NALF1: variants seen among roughly 807,000 people sequenced by gnomAD.
NALF1 encodes the protein NALCN channel auxiliary factor 1, also known as family with sequence similarity 155 member A.
A neutral mutation model predicts 48.4 loss-of-function variants in NALF1; 3 were observed. That is an observed-to-expected ratio of 0.06 (90% confidence interval 0.03 to 0.16). NALF1 has a LOEUF of 0.16. Among genes scored for constraint, NALF1 ranks in the 10% least tolerant of loss-of-function variants. The pLI is 1.00. For missense variants in NALF1, 526 were observed against 571.5 expected (o/e 0.92, Z 0.81); for synonymous variants, 262 against 245.7 (o/e 1.07, Z -0.62).
chr13:107,779,802 C>T (rs1268371837), intron 1 of NALF1, among the ~76,000 whole-genome samples: 1 of 152,134 alleles, frequency 6.6e-6, no homozygotes, highest in Non-Finnish European at 1.5e-5. Flanking sequence ...GTTCTAAAAC[C>T]TCAGGAAACA....
At chr13:107,615,625 A>G (rs535669643) in intron 1 of NALF1, among the ~76,000 whole-genome samples, 122 of 152,328 alleles carry the variant, frequency 8.0e-4, no homozygotes, top group African/African-American at 2.6e-3. Context: ...AACCAGCTTC[A>G]TTAACATTGT....
chr13:107,705,105 T>C (rs939738043), intron 1 of NALF1, among the ~76,000 whole-genome samples: 2 of 152,178 alleles, frequency 1.3e-5, no homozygotes, highest in East Asian at 3.9e-4. Flanking sequence ...CCCTTTGATA[T>C]ACAAGAAAAC....
intron 1 of NALF1, among the ~76,000 whole-genome samples, chr13:107,235,741 T>C (rs1177778344): frequency 6.6e-6 from 1 of 152,242 alleles, no homozygotes; most frequent in South Asian, 2.1e-4. Flanking sequence ...TTTGTTTGCC[T>C]GTGTGATTCA....
intron 2 of NALF1, among the ~76,000 whole-genome samples, chr13:107,208,080 AATT>A (rs1324669008): frequency 6.6e-6 from 1 of 152,202 alleles, no homozygotes; most frequent in African/African-American, 2.4e-5. Flanking sequence ...TCAATATGAA[AATT>A]ATTATCTTTT....
At chr13:107,595,457 G>C (rs1259230566) in intron 1 of NALF1, among the ~76,000 whole-genome samples, 1 of 152,018 alleles carries the variant, frequency 6.6e-6, no homozygotes, top group Middle Eastern at 3.2e-3. Context: ...AGAATGCTGA[G>C]GAACATTTTT....
intron 1 of NALF1, among the ~76,000 whole-genome samples, chr13:107,687,309 A>C (rs1237383875): frequency 6.6e-6 from 1 of 151,606 alleles, no homozygotes; most frequent in Non-Finnish European, 1.5e-5. Context: ...GTCTGGATGG[A>C]GGGAGGGAAG....
At chr13:107,270,192 T>G (rs530170556) in intron 1 of NALF1, among the ~76,000 whole-genome samples, 120 of 152,252 alleles carry the variant, frequency 7.9e-4, no homozygotes, top group Non-Finnish European at 1.4e-3. Flanking sequence ...CAAGCTTTTT[T>G]CAGAATATTG....
At chr13:107,401,169 C>T (rs989161324) in intron 1 of NALF1, among the ~76,000 whole-genome samples, 1 of 152,114 alleles carries the variant, frequency 6.6e-6, no homozygotes, top group Non-Finnish European at 1.5e-5. Flanking sequence ...CTGTGCCATC[C>T]CCCTCAGTTT....
intron 1 of NALF1, among the ~76,000 whole-genome samples, chr13:107,768,492 C>G (rs982281196): frequency 6.6e-6 from 1 of 152,108 alleles, no homozygotes; most frequent in African/African-American, 2.4e-5. Flanking sequence ...GGAATGTGAA[C>G]TAAATCTTGA....
intron 1 of NALF1, among the ~76,000 whole-genome samples, chr13:107,742,159 G>A (rs1384411536): frequency 6.6e-6 from 1 of 152,156 alleles, no homozygotes; most frequent in African/African-American, 2.4e-5. Context: ...GAAAATGTGT[G>A]GGTCACATGG....
chr13:107,640,902 A>G (rs1880134219), intron 1 of NALF1, among the ~76,000 whole-genome samples: 1 of 152,188 alleles, frequency 6.6e-6, no homozygotes, highest in Admixed American at 6.5e-5. Flanking sequence ...TTATCTTTAA[A>G]AAGTCGGCAT....
intron 1 of NALF1, among the ~76,000 whole-genome samples, chr13:107,828,600 TATCTATACACACACACAC>T (rs1879598718): frequency 4.8e-5 from 5 of 103,582 alleles, no homozygotes; most frequent in Non-Finnish European, 9.3e-5. Flanking sequence ...TCTATATCTA[TATCTATACACACACACAC>T]ACACACACAC....
intron 1 of NALF1, among the ~76,000 whole-genome samples, chr13:107,729,383 G>A (rs1196147375): frequency 6.6e-6 from 1 of 151,792 alleles, no homozygotes; most frequent in East Asian, 1.9e-4. Flanking sequence ...GTAATAGGAT[G>A]CTGTTCTTTG....
At position 107,540,049 on chromosome 13, in the gene NALF1, T is replaced by TGTACACACACACACACACACAC. The variant is rs1555307598; in HGVS notation, c.915+325632_915+325633insGTGTGTGTGTGTGTGTGTGTAC. ...AATAGATACCCATCAGCTTCTGATG[T>TGTACACACACACACACACACAC]ACACACACACACACACACACATACA... is the stretch of plus-strand genomic sequence containing the variant. On this transcript the variant is annotated intron_variant, in intron 1 of 2. Transcript: ENST00000375915. Among the ~76,000 whole-genome samples, 162 of 149,508 alleles carry TGTACACACACACACACACACAC rather than the reference T, an allele frequency of 1.1e-3. 1 individual carries two copies. Among genetic ancestry groups the TGTACACACACACACACACACAC allele is most frequent in the African/African-American group, 3.9e-3 (158 of 40,780 alleles).
chr13:107,502,111 GA>G (rs1875544703), intron 1 of NALF1, among the ~76,000 whole-genome samples: 1 of 151,658 alleles, frequency 6.6e-6, no homozygotes, highest in Non-Finnish European at 1.5e-5. Flanking sequence ...TATCCCGAAT[GA>G]AAAAAGAGAT....
At chr13:107,562,593 G>T (rs1877679630) in intron 1 of NALF1, among the ~76,000 whole-genome samples, 1 of 152,200 alleles carries the variant, frequency 6.6e-6, no homozygotes, top group Non-Finnish European at 1.5e-5. Flanking sequence ...GATGGATGTG[G>T]ATCTTTAAGC....
chr13:107,518,732 GA>G (rs1339733248), intron 1 of NALF1, among the ~76,000 whole-genome samples: 1 of 152,148 alleles, frequency 6.6e-6, no homozygotes, highest in Non-Finnish European at 1.5e-5. Context: ...GACCTAGCCA[GA>G]AATTGCCCAT....
At chr13:107,231,853 G>A (rs957393386) in intron 1 of NALF1, among the ~76,000 whole-genome samples, 4 of 152,152 alleles carry the variant, frequency 2.6e-5, no homozygotes, top group Non-Finnish European at 5.9e-5. Flanking sequence ...TCTGCTGGTC[G>A]GACGACTGTA....
chr13:107,453,703 A>C (rs963310571), intron 1 of NALF1, among the ~76,000 whole-genome samples: 7 of 152,214 alleles, frequency 4.6e-5, no homozygotes, highest in Admixed American at 4.6e-4. Context: ...ATTTCTCCTA[A>C]GGAAACAAGT....
Sources: allele counts gnomAD v4.1 joint callset (sites outside exome capture counted in the v4.1 genomes callset), GRCh38; gene constraint gnomAD v4.1.1; transcripts MANE v1.5; gene names NCBI Gene and HGNC (gene_info 2026-07-23, HGNC 2026-07-21).